RRP7A: variants seen among roughly 807,000 people sequenced by gnomAD.
RRP7A encodes the protein ribosomal RNA-processing protein 7 homolog A.
A neutral mutation model predicts 38.4 loss-of-function variants in RRP7A; 27 were observed. The observed-to-expected ratio is 0.70, with a 90% CI of 0.52 to 0.97. The LOEUF is 0.97. Among genes scored for constraint, RRP7A ranks in the 50% least tolerant of loss-of-function variants. RRP7A has a pLI of 0.00. For missense variants in RRP7A, 327 were observed against 375.4 expected, an observed-to-expected ratio of 0.87 and a Z score of 1.07; for synonymous variants, 124 against 150.3, an observed-to-expected ratio of 0.83 and a Z score of 1.28.
intron 4 of RRP7A, among the ~76,000 whole-genome samples, 156 bp downstream of exon 4, chr22:42,514,994 AC>A (rs1920926266): frequency 1.3e-5 from 2 of 149,974 alleles, no homozygotes; most frequent in Non-Finnish European, 2.9e-5. Context: ...CTCCCTGGGG[AC>A]CCAGACACAG....
At position 42,508,888 on chromosome 22, in the gene RRP7A, G is replaced by A. The variant is rs1354879005; in HGVS notation, c.*4022C>T. 2.3e-5 allele frequency: 24 copies of A among 1,065,584 alleles called. No homozygotes were observed. Among genetic ancestry groups the A allele is most frequent in the African/African-American group, 4.6e-5 (3 of 65,114 alleles). 66.0% of individuals were successfully genotyped at this position (1,065,584 alleles called of 1,614,324 possible). A position where few individuals can be genotyped will look rare whatever the true frequency, so the allele number is the denominator to read the frequency against. On this transcript the variant is annotated 3_prime_UTR_variant, in exon 7 of 7. Transcript: ENST00000323013. Reference sequence around the variant, plus strand: ...AAAGAGCCTTCGATGAGGCAGTGATGTGGGGTCCTGGGCTCAGACCCAGGG... The same window carrying A: ...AAAGAGCCTTCGATGAGGCAGTGATATGGGGTCCTGGGCTCAGACCCAGGG...
At position 42,512,909 on chromosome 22, in the gene RRP7A, C is replaced by G. The variant is rs1248296492; in HGVS notation, c.*1G>C. 1 of 1,613,072 alleles carries G rather than the reference C, an allele frequency of 6.2e-7. No homozygotes were observed. Among genetic ancestry groups the G allele is most frequent in the East Asian group, 2.2e-5 (1 of 44,874 alleles). ...CAGCCATTCACTGCGGCTCTCACAG[C>G]TCAGTACGGTCGGAATTTGCGCTGG... On this transcript the variant is annotated 3_prime_UTR_variant, in exon 7 of 7. Transcript: ENST00000323013.
In RRP7A at chr22:42,508,398, T is replaced by C. The variant is rs1212284660; in HGVS notation, c.*4512A>G. On this transcript the variant is annotated 3_prime_UTR_variant, in exon 7 of 7. Transcript: ENST00000323013. ...AATGTGATTTAAGATGTAATCAACATAAAGCTTGATTGCATTATTTTGCAT... is the reference window on the plus strand; with the variant it reads ...AATGTGATTTAAGATGTAATCAACACAAAGCTTGATTGCATTATTTTGCAT... Among the ~76,000 whole-genome samples the C allele has an allele frequency of 4.0e-5, 6 of 150,638 alleles. No individual in the cohort carries two copies. The highest frequency in any genetic ancestry group is 1.5e-4 in the African/African-American group (6 of 40,532).
chr22:42,513,327 G>A (rs1458791216), intron 6 of RRP7A, among the ~76,000 whole-genome samples: 1 of 114,546 alleles, frequency 8.7e-6, no homozygotes, highest in African/African-American at 3.2e-5. Context: ...TCGGCCTGGA[G>A]AACCCTGAGA....
In RRP7A at chr22:42,511,906, G is replaced by A; in HGVS notation, c.*1004C>T. 1 of 626,614 alleles carries A rather than the reference G, an allele frequency of 1.6e-6. No individual in the cohort carries two copies. The highest frequency in any genetic ancestry group is 2.9e-6 in the Non-Finnish European group (1 of 344,974). The allele number at this position is 626,614 out of a possible 1,614,324, so 38.8% of individuals were successfully genotyped here. ...CACAACTCAGCTGGCCTAGACCCCT[G>A]GGAGGCCTCCAAGTCCCTAAGGTTA... On this transcript the variant is annotated 3_prime_UTR_variant, in exon 7 of 7. Coordinates refer to ENST00000323013, the MANE Select transcript of RRP7A (RefSeq NM_015703.5).
rs557020766 is a variant in RRP7A, at chr22:42,510,394, C to T, written c.*2516G>A. 2.1e-4 allele frequency: 47 copies of T among 221,902 alleles called. 1 individual carries two copies. The highest frequency in any genetic ancestry group is 6.6e-4 in the African/African-American group (29 of 43,668). The allele number at this position is 221,902 out of a possible 1,614,324, so 13.7% of individuals were successfully genotyped here. A position where few individuals can be genotyped will look rare whatever the true frequency, so the allele number is the denominator to read the frequency against. ...CTGTGACCAAGTCCTGAACTCCCTG[C>T]GCCCCAGCAAGGCTGTGCCTTCAGC... On this transcript the variant is annotated 3_prime_UTR_variant, in exon 7 of 7. Transcript: ENST00000323013.
In RRP7A at chr22:42,509,454, T is replaced by TC. The variant is rs1932374882; in HGVS notation, c.*3455dup. The stretch of plus-strand genomic sequence containing the variant: ...TTCAAACGATTCTCCTGCCTCAGCC[T>TC]CCCGAGTAGCTGGGACTACAGGCGC... On this transcript the variant is annotated 3_prime_UTR_variant, in exon 7 of 7. Coordinates refer to ENST00000323013, the MANE Select transcript of RRP7A (RefSeq NM_015703.5). Among the ~76,000 whole-genome samples the TC allele has an allele frequency of 6.6e-6, 1 of 150,678 alleles. No individual in the cohort carries two copies. Among genetic ancestry groups the TC allele is most frequent in the Non-Finnish European group, 1.5e-5 (1 of 67,406 alleles).
In RRP7A at chr22:42,509,297, A is replaced by G. The variant is rs1399455591; in HGVS notation, c.*3613T>C. 3.3e-5 allele frequency among the ~76,000 whole-genome samples: 5 copies of G among 151,084 alleles called. No homozygotes were observed. The highest frequency in any genetic ancestry group is 2.0e-4 in the Admixed American group (3 of 15,040). On this transcript the variant is annotated 3_prime_UTR_variant, in exon 7 of 7. Transcript: ENST00000323013. The stretch of plus-strand genomic sequence containing the variant: ...GGAAGGAGGAAGGTCAGAGGAGGGG[A>G]GGGCTCAGGCAGCAGGGGATGGGCC...
rs1410494163 is a variant in RRP7A, at chr22:42,511,413, G to A, written c.*1497C>T. 2.0e-5 allele frequency: 3 copies of A among 152,636 alleles called. No individual in the cohort carries two copies. Among genetic ancestry groups the A allele is most frequent in the African/African-American group, 7.2e-5 (3 of 41,454 alleles). The allele number at this position is 152,636 out of a possible 1,614,324, so 9.5% of individuals were successfully genotyped here. A position where few individuals can be genotyped will look rare whatever the true frequency, so the allele number is the denominator to read the frequency against. On this transcript the variant is annotated 3_prime_UTR_variant, in exon 7 of 7. Coordinates refer to ENST00000323013, the MANE Select transcript of RRP7A (RefSeq NM_015703.5). ...TGGTCTCAAACTCCTGACCTCAGGC[G>A]ATCCGCCCACCTTGGCCTCCCAAAG...
rs1388340731 is a variant in RRP7A, at chr22:42,508,646, G to A, written c.*4264C>T. Among the ~76,000 whole-genome samples, 1 of 152,232 alleles carries A rather than the reference G, an allele frequency of 6.6e-6. No homozygotes were observed. Among genetic ancestry groups the A allele is most frequent in the African/African-American group, 2.4e-5 (1 of 41,450 alleles). On this transcript the variant is annotated 3_prime_UTR_variant, in exon 7 of 7. Transcript: ENST00000323013. Reference sequence around the variant, plus strand: ...CCAGGCTGGCAGGGGACAGCGTGAGGTGCAGCCTATGGACTGGGAAAGGGG... The same window carrying A: ...CCAGGCTGGCAGGGGACAGCGTGAGATGCAGCCTATGGACTGGGAAAGGGG...
rs116229100 is a variant in RRP7A at position 42,510,871 on chromosome 22, C to G, written c.*2039G>C. 3.1e-5 allele frequency: 30 copies of G among 964,358 alleles called. No homozygotes were observed. In the Admixed American group the frequency reaches 1.3e-3, roughly 43 times the overall value. The allele number at this position is 964,358 out of a possible 1,614,324, so 59.7% of individuals were successfully genotyped here. A position where few individuals can be genotyped will look rare whatever the true frequency, so the allele number is the denominator to read the frequency against. ...ACCAGGATCTATCAGGCCTCATGCT[C>G]CAGTGATCAGTCCCTAGAGGCCTGG... On this transcript the variant is annotated 3_prime_UTR_variant, in exon 7 of 7. Transcript: ENST00000323013.
rs754340224 is a variant in RRP7A at position 42,514,663 on chromosome 22, G to A, written c.558+19C>T. 22 of 1,591,882 alleles carry A rather than the reference G, an allele frequency of 1.4e-5. No individual in the cohort carries two copies. The highest frequency in any genetic ancestry group is 4.5e-5 in the South Asian group (4 of 89,670). On this transcript the variant is annotated intron_variant, in intron 5 of 6. Transcript: ENST00000323013. Reference sequence around the variant, plus strand: ...CACACGGGCGATGCGGGGCTCGGCCGACCCCGCGGGGCCTCTACCTCAGCG... The same window carrying A: ...CACACGGGCGATGCGGGGCTCGGCCAACCCCGCGGGGCCTCTACCTCAGCG...
chr22:42,515,893 G>T, intron 3 of RRP7A, 118 bp downstream of exon 3: 2 of 1,304,100 alleles, frequency 1.5e-6, no homozygotes, highest in Admixed American at 2.4e-5. Flanking sequence ...ACCACACACG[G>T]TGAGGATGGG....
At chr22:42,517,863 C>T in intron 2 of RRP7A, 142 bp downstream of exon 2, 1 of 961,288 alleles carries the variant, frequency 1.0e-6, no homozygotes, top group Non-Finnish European at 1.5e-6. Flanking sequence ...AGTTTCCTGA[C>T]TGGAGATCAC....
chr22:42,519,617 G>A (rs528743160), intron 1 of RRP7A, 97 bp downstream of exon 1: 14 of 1,079,266 alleles, frequency 1.3e-5, no homozygotes, highest in South Asian at 6.1e-5. Context: ...ACACCCAACC[G>A]TGCGGCCGCT....
chr22:42,519,667 C>T, intron 1 of RRP7A, 47 bp downstream of exon 1: 1 of 1,415,438 alleles, frequency 7.1e-7, no homozygotes, highest in Non-Finnish European at 9.3e-7. Flanking sequence ...CAAACACCTC[C>T]CGGCGATGCC....
intron 6 of RRP7A, among the ~76,000 whole-genome samples, chr22:42,513,596 A>G (rs1920922985): frequency 7.8e-6 from 1 of 127,524 alleles, no homozygotes; most frequent in African/African-American, 2.9e-5. Context: ...AGACAGGGAC[A>G]CCAGGCAGTG....
Position 42,519,779 on chromosome 22 carries a change from G to A in RRP7A, c.8C>T (p.Ala3Val), listed in dbSNP as rs1241529082. 6 of 1,441,618 alleles carry A rather than the reference G, an allele frequency of 4.2e-6. No individual in the cohort carries two copies. In the Admixed American group the frequency reaches 8.1e-5, roughly 19 times the overall value. 89.3% of individuals were successfully genotyped at this position (1,441,618 alleles called of 1,614,324 possible). A position where few individuals can be genotyped will look rare whatever the true frequency, so the allele number is the denominator to read the frequency against. ...CCGCGCGGCGCACTTCCTCCTGCGC[G>A]CCACCATCTTGCCACCCGGGAGCGC... MV[A>V]RRRKCAARDP... is the part of the protein sequence containing the mutation. Residue 3 changes from alanine (A) to valine (V), a missense_variant, in exon 1 of 7, where the codon GCG (alanine) becomes GTG (valine). By Grantham distance (64) the Ala-to-Val change is moderately conservative. Transcript: ENST00000323013.
intron 3 of RRP7A, among the ~76,000 whole-genome samples, chr22:42,515,757 C>T (rs928801589): frequency 6.6e-5 from 10 of 152,184 alleles, no homozygotes; most frequent in Admixed American, 6.5e-4. Flanking sequence ...GGGGAAGGCC[C>T]TGCAGGTGGC....
Sources: gnomAD v4.1 joint callset for allele counts (sites outside exome capture counted in the v4.1 genomes callset) on GRCh38, gnomAD v4.1.1 for gene constraint, MANE v1.5 for transcripts, NCBI Gene and HGNC (gene_info 2026-07-23, HGNC 2026-07-21) for gene names.